TTLL5: variants seen among roughly 807,000 people sequenced by gnomAD.
The protein encoded by TTLL5 is tubulin tyrosine ligase like 5.
In TTLL5, 132 loss-of-function variants were observed where a neutral mutation model predicts 168.4. The observed-to-expected ratio is 0.78, with a 90% CI of 0.68 to 0.91. TTLL5 has a LOEUF of 0.91. Among genes scored for constraint, TTLL5 ranks in the 40% least tolerant of loss-of-function variants. TTLL5 has a pLI of 0.00. For missense variants in TTLL5, 1,545 were observed against 1,581.5 expected, an observed-to-expected ratio of 0.98 and a Z score of 0.39; for synonymous variants, 546 against 558.6, an observed-to-expected ratio of 0.98 and a Z score of 0.32.
chr14:75,895,802 GA>G (rs1441164884), intron 30 of TTLL5, among the ~76,000 whole-genome samples: 3 of 152,084 alleles, frequency 2.0e-5, no homozygotes, highest in East Asian at 1.9e-4. Flanking sequence ...ATATAGAAAG[GA>G]AAAAAATACA....
At chr14:75,675,201 C>T (rs1884046939) in intron 3 of TTLL5, among the ~76,000 whole-genome samples, 1 of 152,138 alleles carries the variant, frequency 6.6e-6, no homozygotes, top group Admixed American at 6.5e-5. Context: ...TTCGACAGCA[C>T]AAATATCCTA....
At chr14:75,721,759 C>T (rs1887851180) in intron 12 of TTLL5, among the ~76,000 whole-genome samples, 1 of 152,062 alleles carries the variant, frequency 6.6e-6, no homozygotes, top group African/African-American at 2.4e-5. Context: ...ACGTTGTACT[C>T]AATAAAAATT....
In TTLL5 at chr14:75,795,675, G is replaced by A. The variant is rs566695452; in HGVS notation, c.3171+2575G>A. On this transcript the variant is annotated intron_variant, in intron 27 of 31. Transcript: ENST00000298832. ...CTACTTATAAGTGAGAACATATGATGTCTGGTTTTCCATTCCTGAGTTACT... is the reference window on the plus strand; with the variant it reads ...CTACTTATAAGTGAGAACATATGATATCTGGTTTTCCATTCCTGAGTTACT... Among the ~76,000 whole-genome samples the A allele has an allele frequency of 1.9e-4, 29 of 152,218 alleles. No homozygotes were observed. The South Asian group carries it at 4.8e-3, about 25-fold the overall frequency.
At chr14:75,869,167 G>A (rs1464803836) in intron 29 of TTLL5, among the ~76,000 whole-genome samples, 2 of 151,742 alleles carry the variant, frequency 1.3e-5, no homozygotes, top group Non-Finnish European at 2.9e-5. Context: ...TTTCCCACTT[G>A]ACTTTTAGCA....
chr14:75,869,855 T>C (rs967388887), intron 29 of TTLL5, among the ~76,000 whole-genome samples: 2 of 129,472 alleles, frequency 1.5e-5, no homozygotes, highest in African/African-American at 6.7e-5. Context: ...AGTCTCACTC[T>C]GTTGACCAGT....
At chr14:75,687,305 G>C (rs190705209) in intron 5 of TTLL5, among the ~76,000 whole-genome samples, 33 of 152,176 alleles carry the variant, frequency 2.2e-4, no homozygotes, top group African/African-American at 7.7e-4. Flanking sequence ...GGACAGTTTC[G>C]CTCTGTCACC....
chr14:75,662,917 G>GGAAA (rs1480076205), intron 1 of TTLL5, 138 bp from the exon 2 acceptor site: 1 of 626,060 alleles, frequency 1.6e-6, no homozygotes, highest in Non-Finnish European at 2.9e-6. Flanking sequence ...CATATGTTAT[G>GGAAA]GAAAGTAAAC....
At chr14:75,873,148 A>G (rs577100364) in intron 29 of TTLL5, among the ~76,000 whole-genome samples, 121 of 145,776 alleles carry the variant, frequency 8.3e-4, no homozygotes, top group African/African-American at 2.9e-3. Context: ...ATCTCGGCTC[A>G]TTGCAAGCTC....
At chr14:75,854,551 C>T (rs1897036707) in intron 28 of TTLL5, among the ~76,000 whole-genome samples, 1 of 151,992 alleles carries the variant, frequency 6.6e-6, no homozygotes, top group South Asian at 2.1e-4. Flanking sequence ...ATTGTCCTGT[C>T]GTGTAAATAT....
At chr14:75,795,425 G>A (rs964601291) in intron 27 of TTLL5, among the ~76,000 whole-genome samples, 10 of 152,006 alleles carry the variant, frequency 6.6e-5, no homozygotes, top group African/African-American at 1.9e-4. Context: ...GGGTACATAC[G>A]ATTTTTTTTA....
At chr14:75,836,164 G>A (rs1895855411) in intron 28 of TTLL5, among the ~76,000 whole-genome samples, 1 of 152,154 alleles carries the variant, frequency 6.6e-6, no homozygotes, top group Admixed American at 6.5e-5. Context: ...CAGATGAGTA[G>A]ATGAAGAAAA....
At chr14:75,775,721 C>A in intron 22 of TTLL5, 91 bp downstream of exon 22, 1 of 1,467,274 alleles carries the variant, frequency 6.8e-7, no homozygotes, top group Non-Finnish European at 9.2e-7. Context: ...TGGATGGAGA[C>A]ACTCTTCTTC....
intron 28 of TTLL5, among the ~76,000 whole-genome samples, chr14:75,828,378 C>G (rs888292602): frequency 7.3e-6 from 1 of 136,188 alleles, no homozygotes; most frequent in African/African-American, 2.8e-5. Context: ...TATGCTGATT[C>G]ACTTCTGCTT....
chr14:75,801,540 G>A (rs994587360), intron 27 of TTLL5, among the ~76,000 whole-genome samples: 6 of 151,854 alleles, frequency 4.0e-5, no homozygotes, highest in Non-Finnish European at 8.8e-5. Context: ...ACCCTGTTGT[G>A]CTATCAAATA....
chr14:75,887,932 A>G (rs1042891810), intron 30 of TTLL5, among the ~76,000 whole-genome samples: 1 of 152,220 alleles, frequency 6.6e-6, no homozygotes, highest in Non-Finnish European at 1.5e-5. Context: ...TTTTAGATGT[A>G]GCACAGGAAG....
intron 28 of TTLL5, among the ~76,000 whole-genome samples, chr14:75,832,983 A>C (rs1267465326): frequency 6.6e-6 from 1 of 152,050 alleles, no homozygotes; most frequent in Admixed American, 6.5e-5. Context: ...TCCAGTTCCC[A>C]GTTTCAGCGG....
At chr14:75,675,721 A>G (rs1225495809) in intron 3 of TTLL5, among the ~76,000 whole-genome samples, 2 of 152,188 alleles carry the variant, frequency 1.3e-5, no homozygotes, top group African/African-American at 4.8e-5. Context: ...GACTCTTGTC[A>G]TGGGAGAGAA....
At chr14:75,874,313 C>T (rs1237339103) in intron 29 of TTLL5, among the ~76,000 whole-genome samples, 3 of 152,074 alleles carry the variant, frequency 2.0e-5, no homozygotes, top group Admixed American at 6.6e-5. Flanking sequence ...AGGATGGTCT[C>T]GATTTCCTGA....
intron 3 of TTLL5, among the ~76,000 whole-genome samples, chr14:75,674,622 A>T (rs1883998578): frequency 6.6e-6 from 1 of 152,108 alleles, no homozygotes; most frequent in South Asian, 2.1e-4. Flanking sequence ...ATGTACTTTA[A>T]ATGTGTAAAT....
Sources: gnomAD v4.1 joint callset for allele counts (sites outside exome capture counted in the v4.1 genomes callset) on GRCh38, gnomAD v4.1.1 for gene constraint, MANE v1.5 for transcripts, NCBI Gene and HGNC (gene_info 2026-07-23, HGNC 2026-07-21) for gene names.